Variants in ERBB4 observed in about 807,000 individuals in gnomAD.
ERBB4 encodes the protein erb-b2 receptor tyrosine kinase 4, also known as receptor tyrosine-protein kinase erbB-4.
A neutral mutation model predicts 158.0 loss-of-function variants in ERBB4; 42 were observed. That is an observed-to-expected ratio of 0.27 (90% CI 0.21 to 0.34). The LOEUF (loss-of-function observed/expected upper bound fraction) is 0.34, where lower values mean the gene tolerates loss of function less well. Ranked by LOEUF, ERBB4 falls within the 10% of genes least tolerant of loss-of-function variation. The probability of loss-of-function intolerance (pLI) is 1.00; values close to 1 mark genes in which losing one functional copy is unlikely to be tolerated. For missense variants in ERBB4, 1,333 were observed against 1,624.1 expected, an observed-to-expected ratio of 0.82 and a Z score of 3.08; for synonymous variants, 583 against 558.7, an observed-to-expected ratio of 1.04 and a Z score of -0.61.
At chr2:212,167,507 C>G (rs1176854549) in intron 1 of ERBB4, among the ~76,000 whole-genome samples, 1 of 152,032 alleles carries the variant, frequency 6.6e-6, no homozygotes, top group Non-Finnish European at 1.5e-5. Context: ...TAAATTAATT[C>G]TAACTATTAT....
intron 12 of ERBB4, among the ~76,000 whole-genome samples, chr2:211,701,019 T>G (rs1335496300): frequency 6.6e-6 from 1 of 152,120 alleles, no homozygotes; most frequent in African/African-American, 2.4e-5. Flanking sequence ...TAAGCATAAA[T>G]CAACGGAGTA....
chr2:211,960,308 G>C lies in ERBB4; in HGVS notation c.235-12692C>G, dbSNP rs1356278556. Among the ~76,000 whole-genome samples the C allele has an allele frequency of 1.3e-5, 2 of 152,026 alleles. 1 individual carries two copies. The highest frequency in any genetic ancestry group is 2.9e-5 in the Non-Finnish European group (2 of 67,992). On this transcript the variant is annotated intron_variant, in intron 2 of 27. Transcript: ENST00000342788. ...TTGGAAGAGACCCTTCCTGGCCAAT[G>C]ATGAGGTAACTTAAATTTCAAAAAT...
intron 3 of ERBB4, among the ~76,000 whole-genome samples, chr2:211,882,325 G>A (rs1424189712): frequency 6.6e-6 from 1 of 152,168 alleles, no homozygotes; most frequent in Admixed American, 6.5e-5. Context: ...TGGTATCATT[G>A]TTTATAAATG....
At chr2:211,798,337 A>T (rs985709112) in intron 3 of ERBB4, among the ~76,000 whole-genome samples, 1 of 152,130 alleles carries the variant, frequency 6.6e-6, no homozygotes, top group Non-Finnish European at 1.5e-5. Flanking sequence ...TTTAATTCAT[A>T]GGCTGTTCAT....
At chr2:211,513,357 C>CAAAAAAAAAAAAAAAAAAAAAAAAAAAA (rs61042785) in intron 20 of ERBB4, among the ~76,000 whole-genome samples, 2 of 39,198 alleles carry the variant, frequency 5.1e-5, no homozygotes, top group African/African-American at 1.3e-4. Flanking sequence ...GACTCCGTCT[C>CAAAAAAAAAAAAAAAAAAAAAAAAAAAA]AAAAAAAAAA....
intron 3 of ERBB4, among the ~76,000 whole-genome samples, chr2:211,814,803 G>C (rs770338456): frequency 2.6e-5 from 4 of 152,156 alleles, no homozygotes; most frequent in Non-Finnish European, 4.4e-5. Flanking sequence ...TCTCGATAAT[G>C]TTTCCCAGCA....
intron 22 of ERBB4, among the ~76,000 whole-genome samples, chr2:211,426,728 A>G (rs1194035496): frequency 1.3e-5 from 2 of 151,964 alleles, no homozygotes; most frequent in Admixed American, 6.6e-5. Context: ...ATTTGCCTTC[A>G]GGAGACTGCC....
At chr2:212,509,466 G>A (rs1004188257) in intron 1 of ERBB4, among the ~76,000 whole-genome samples, 1 of 151,846 alleles carries the variant, frequency 6.6e-6, no homozygotes, top group Non-Finnish European at 1.5e-5. Context: ...ATCACGATAG[G>A]TTAACAATCT....
chr2:211,886,024 T>C (rs2078791385), intron 3 of ERBB4, among the ~76,000 whole-genome samples: 1 of 152,210 alleles, frequency 6.6e-6, no homozygotes, highest in Non-Finnish European at 1.5e-5. Flanking sequence ...TCAAATTATA[T>C]AAAGCATAGA....
intron 1 of ERBB4, among the ~76,000 whole-genome samples, chr2:212,275,541 T>C (rs1234385517): frequency 6.6e-6 from 1 of 151,892 alleles, no homozygotes; most frequent in African/African-American, 2.4e-5. Context: ...GAGCGTTTTT[T>C]CATATGTTTG....
At chr2:211,876,938 T>C (rs1179611814) in intron 3 of ERBB4, among the ~76,000 whole-genome samples, 1 of 152,216 alleles carries the variant, frequency 6.6e-6, no homozygotes, top group Non-Finnish European at 1.5e-5. Flanking sequence ...CTTTCTGGTT[T>C]CATTGTTCCC....
chr2:211,861,107 ATATT>A (rs2078022100), intron 3 of ERBB4, among the ~76,000 whole-genome samples: 1 of 42,656 alleles, frequency 2.3e-5, no homozygotes, highest in African/African-American at 8.5e-5. Flanking sequence ...TACATTATAT[ATATT>A]TATATATATA....
intron 1 of ERBB4, among the ~76,000 whole-genome samples, chr2:212,125,780 T>C (rs2079906215): frequency 6.6e-6 from 1 of 152,240 alleles, no homozygotes; most frequent in Admixed American, 6.5e-5. Flanking sequence ...TAGTATTCCA[T>C]GGTATATATG....
intron 19 of ERBB4, among the ~76,000 whole-genome samples, chr2:211,563,247 T>C (rs1256152465): frequency 6.6e-6 from 1 of 151,944 alleles, no homozygotes; most frequent in Non-Finnish European, 1.5e-5. Flanking sequence ...TGTACTTTGT[T>C]ACGGCTTGAT....
intron 20 of ERBB4, among the ~76,000 whole-genome samples, chr2:211,548,611 A>G (rs944159273): frequency 2.0e-5 from 3 of 152,192 alleles, no homozygotes; most frequent in Admixed American, 1.3e-4. Context: ...GAACTGGGAT[A>G]TCAGGGTGGC....
chr2:211,767,400 G>A lies in ERBB4; in HGVS notation c.557-16696C>T, dbSNP rs557803708. Among the ~76,000 whole-genome samples, 50 of 152,192 alleles carry A rather than the reference G, an allele frequency of 3.3e-4. No individual in the cohort carries two copies. In the South Asian group the frequency reaches 8.1e-3, roughly 25 times the overall value. ...TAAAAAATCAATTATGGAATGCTTCGTAAATCTCTCTTTTACATTAATTAG... is the reference window on the plus strand; with the variant it reads ...TAAAAAATCAATTATGGAATGCTTCATAAATCTCTCTTTTACATTAATTAG... On this transcript the variant is annotated intron_variant, in intron 4 of 27. Transcript: ENST00000342788.
chr2:212,482,554 T>C (rs1689756246), intron 1 of ERBB4, among the ~76,000 whole-genome samples: 1 of 152,162 alleles, frequency 6.6e-6, no homozygotes, highest in African/African-American at 2.4e-5. Context: ...AAATAAACCT[T>C]AGGAGAAATT....
chr2:212,459,730 C>A (rs1364814388), intron 1 of ERBB4, among the ~76,000 whole-genome samples: 2 of 152,084 alleles, frequency 1.3e-5, no homozygotes, highest in Non-Finnish European at 2.9e-5. Context: ...ATGGAAATGG[C>A]ATAAAAACAG....
Position 211,380,498 on chromosome 2 carries a change from C to G in ERBB4, c.*3117G>C. On this transcript the variant is annotated 3_prime_UTR_variant, in exon 28 of 28. Transcript: ENST00000342788. Reference sequence around the variant, plus strand: ...AATTGCTACAATTGGCCTCTGGAATCTGATATCCCCCCAAGCACTTTGAAG... The same window carrying G: ...AATTGCTACAATTGGCCTCTGGAATGTGATATCCCCCCAAGCACTTTGAAG... 4.3e-6 allele frequency: 1 copy of G among 232,306 alleles called. No individual in the cohort carries two copies. The highest frequency in any genetic ancestry group is 8.5e-6 in the Non-Finnish European group (1 of 117,448). 14.4% of individuals were successfully genotyped at this position (232,306 alleles called of 1,614,324 possible). A position where few individuals can be genotyped will look rare whatever the true frequency, so the allele number is the denominator to read the frequency against.
Sources: allele counts gnomAD v4.1 joint callset (sites outside exome capture counted in the v4.1 genomes callset), GRCh38; gene constraint gnomAD v4.1.1; transcripts MANE v1.5; gene names NCBI Gene and HGNC (gene_info 2026-07-23, HGNC 2026-07-21).